The following P2RX7 variants were observed in gnomAD, a reference collection of about 807,000 sequenced individuals.
The protein encoded by P2RX7 is purinergic receptor P2X 7, also known as P2X purinoceptor 7.
P2RX7 carries 62 observed loss-of-function variants against 71.6 expected under a neutral mutation model. The ratio of observed to expected loss-of-function variants is 0.87; its 90% CI spans 0.71 to 1.07. P2RX7 has a LOEUF of 1.07. Ranked by LOEUF, P2RX7 falls within the 50% of genes least tolerant of loss-of-function variation. The pLI is 0.00. For synonymous variants in P2RX7, 299 were observed against 283.3 expected, an observed-to-expected ratio of 1.06 and a Z score of -0.56; for missense variants, 686 against 748.5, an observed-to-expected ratio of 0.92 and a Z score of 0.97.
intron 2 of P2RX7, 68 bp from the exon 3 acceptor site, chr12:121,156,011 G>T (rs1389609556): frequency 1.4e-6 from 2 of 1,405,182 alleles, no homozygotes; most frequent in Admixed American, 3.4e-5. Flanking sequence ...CCAGCAAGCT[G>T]GATTATTATA....
At chr12:121,138,853 C>T (rs915146516) in intron 1 of P2RX7, among the ~76,000 whole-genome samples, 2 of 152,242 alleles carry the variant, frequency 1.3e-5, no homozygotes, top group African/African-American at 2.4e-5. Flanking sequence ...AGGTTGCCAG[C>T]TCACCTTGGT....
Position 121,167,534 on chromosome 12 carries a change from G to A in P2RX7, c.791G>A (p.Arg264His), listed in dbSNP as rs149639375. Residue 264 changes from arginine to histidine, a missense_variant, in exon 8 of 13, where the codon CGT becomes CAT. By Grantham distance (29) the Arg-to-His change is conservative (BLOSUM62 0). Transcript: ENST00000328963. ...ATCTACTGGGACTGCAACCTAGACC[G>A]TTGGTTCCATCACTGCCGTCCCAAA... ...IEIYWDCNLD[R>H]WFHHCRPKYS... 6.1e-4 allele frequency: 992 copies of A among 1,613,518 alleles called. 1 individual carries two copies. The highest frequency in any genetic ancestry group is 8.0e-4 in the Non-Finnish European group (939 of 1,179,724).
In P2RX7 at chr12:121,184,683, C is replaced by T. The variant is rs537849901; in HGVS notation, c.1669C>T (p.Arg557Cys). The T allele has an allele frequency of 1.0e-5, 16 of 1,576,924 alleles. 1 individual carries two copies. Among genetic ancestry groups the T allele is most frequent in the Non-Finnish European group, 1.0e-5 (12 of 1,161,434 alleles). The change falls in exon 13 of 13, where the codon CGC becomes TGC. Residue 557 changes from arginine to cysteine, a missense_variant. Coordinates refer to ENST00000328963, the MANE Select transcript of P2RX7 (RefSeq NM_002562.6). ...TGCCTACAGGTGCTACGCCACCTGG[C>T]GCTTCGGCTCCCAGGACATGGCTGA... ...HCAYRCYATWRFGSQDMADFA... is the reference protein window; with the variant it reads ...HCAYRCYATWCFGSQDMADFA...
chr12:121,180,865 G>A (rs553035818), intron 12 of P2RX7, among the ~76,000 whole-genome samples: 42 of 152,046 alleles, frequency 2.8e-4, no homozygotes, highest in African/African-American at 9.6e-4. Flanking sequence ...TCAGAAGGCT[G>A]AGGCAGGAGA....
chr12:121,157,721 A>T (rs1288551685), intron 3 of P2RX7, among the ~76,000 whole-genome samples: 9 of 152,208 alleles, frequency 5.9e-5, no homozygotes, highest in Admixed American at 5.9e-4. Context: ...TAGACCGCTA[A>T]AGGTTCAAAA....
chr12:121,148,384 T>G (rs1876691832), intron 1 of P2RX7, among the ~76,000 whole-genome samples: 1 of 151,766 alleles, frequency 6.6e-6, no homozygotes, highest in Non-Finnish European at 1.5e-5. Context: ...CTAGCTAATT[T>G]TTGCCTTTTT....
chr12:121,141,423 G>A (rs1226375362), intron 1 of P2RX7, among the ~76,000 whole-genome samples: 1 of 152,306 alleles, frequency 6.6e-6, no homozygotes, highest in South Asian at 2.1e-4. Flanking sequence ...GGAAGAGGAA[G>A]GAGCAGTTTG....
chr12:121,176,239 ACAC>A (rs2136138861), intron 9 of P2RX7, among the ~76,000 whole-genome samples: 1 of 144,926 alleles, frequency 6.9e-6, no homozygotes, highest in Non-Finnish European at 1.5e-5. Flanking sequence ...ACACACACAC[ACAC>A]ACACACACAC....
At chr12:121,155,380 T>C (rs1878367919) in intron 2 of P2RX7, 1 of 1,291,638 alleles carries the variant, frequency 7.7e-7, no homozygotes, top group African/African-American at 1.5e-5. Context: ...CTTGGGTACA[T>C]TTTTCCACAA....
chr12:121,144,277 G>A (rs558617837), intron 1 of P2RX7, among the ~76,000 whole-genome samples: 3 of 152,128 alleles, frequency 2.0e-5, no homozygotes, highest in East Asian at 1.9e-4. Flanking sequence ...GCCTCACTTC[G>A]ACCTCTACCT....
Position 121,132,902 on chromosome 12 carries a change from G to T in P2RX7, c.-69G>T. On this transcript the variant is annotated 5_prime_UTR_variant, in exon 1 of 13. Coordinates refer to ENST00000328963, the MANE Select transcript of P2RX7 (RefSeq NM_002562.6). Reference sequence around the variant, plus strand: ...TTCATTTTGCAGTTACTGGGAGGGGGCTTGCTGTGGCCCTGTCAGGAAGAG... The same window carrying T: ...TTCATTTTGCAGTTACTGGGAGGGGTCTTGCTGTGGCCCTGTCAGGAAGAG... 6.3e-7 allele frequency: 1 copy of T among 1,589,762 alleles called. No individual in the cohort carries two copies. The highest frequency in any genetic ancestry group is 8.6e-7 in the Non-Finnish European group (1 of 1,165,924).
At chr12:121,165,494 C>A in intron 6 of P2RX7, 57 bp downstream of exon 6, 1 of 1,363,224 alleles carries the variant, frequency 7.3e-7, no homozygotes, top group Non-Finnish European at 1.0e-6. Context: ...AATAAATTAT[C>A]CCAAACCTCA....
At chr12:121,179,942 G>T (rs1448380503) in intron 11 of P2RX7, among the ~76,000 whole-genome samples, 1 of 151,884 alleles carries the variant, frequency 6.6e-6, no homozygotes, top group Non-Finnish European at 1.5e-5. Flanking sequence ...CTGAGGTCAG[G>T]AGTTCAAGAC....
In P2RX7 at chr12:121,184,822, C is replaced by A. The variant is rs183949627; in HGVS notation, c.*20C>A. 11,062 of 1,512,592 alleles carry A rather than the reference C, an allele frequency of 7.3e-3. 66 individuals carry two copies. Among genetic ancestry groups the A allele is most frequent in the Non-Finnish European group, 7.9e-3 (8,878 of 1,121,734 alleles). The allele number at this position is 1,512,592 out of a possible 1,614,324, so 93.7% of individuals were successfully genotyped here. On this transcript the variant is annotated 3_prime_UTR_variant, in exon 13 of 13. Transcript: ENST00000328963. The stretch of plus-strand genomic sequence containing the variant: ...TACTGAAGCCAGGCACCGTGGCTCA[C>A]GTCTGTAATCCCAGCGCTTTGGGAG...
chr12:121,166,765 G>A (rs544074612), intron 7 of P2RX7, among the ~76,000 whole-genome samples: 1 of 152,142 alleles, frequency 6.6e-6, no homozygotes, highest in East Asian at 1.9e-4. Context: ...ATTTAGGCTG[G>A]GCACGGTGGC....
At chr12:121,166,887 CA>C (rs59533773) in intron 7 of P2RX7, among the ~76,000 whole-genome samples, 7,999 of 107,566 alleles carry the variant, frequency 0.074, 301 homozygotes, top group African/African-American at 0.15. Context: ...ACTAAAAATA[CA>C]AAAAAAAAAA....
intron 8 of P2RX7, among the ~76,000 whole-genome samples, chr12:121,174,854 AGGT>A (rs1415977286): frequency 6.6e-6 from 1 of 151,994 alleles, no homozygotes; most frequent in African/African-American, 2.4e-5. Flanking sequence ...ATGCAGGTAC[AGGT>A]GGTGACATGG....
chr12:121,143,590 C>G lies in P2RX7; in HGVS notation c.125+10495C>G, dbSNP rs148943694. 4.3e-3 allele frequency among the ~76,000 whole-genome samples: 649 copies of G among 151,352 alleles called. 4 individuals carry two copies. Among genetic ancestry groups the G allele is most frequent in the African/African-American group, 0.015 (599 of 41,222 alleles). Reference sequence around the variant, plus strand: ...ATCGGCCAGGCGCGGTGGCTCACGTCTGTAATCCCAGAACTCTGGGAGACT... The same window carrying G: ...ATCGGCCAGGCGCGGTGGCTCACGTGTGTAATCCCAGAACTCTGGGAGACT... On this transcript the variant is annotated intron_variant, in intron 1 of 12. Coordinates refer to ENST00000328963, the MANE Select transcript of P2RX7 (RefSeq NM_002562.6).
At chr12:121,155,189 T>C in intron 2 of P2RX7, 8 of 1,478,320 alleles carry the variant, frequency 5.4e-6, no homozygotes, top group Non-Finnish European at 7.2e-6. Flanking sequence ...CATGTCCTGG[T>C]GCATTGAAAA....
Sources: allele counts gnomAD v4.1 joint callset (sites outside exome capture counted in the v4.1 genomes callset), GRCh38; gene constraint gnomAD v4.1.1; transcripts MANE v1.5; gene names NCBI Gene and HGNC (gene_info 2026-07-23, HGNC 2026-07-21).